CLIP1: variants seen among roughly 807,000 people sequenced by gnomAD.
The protein encoded by CLIP1 is CAP-Gly domain-containing linker protein 1.
A neutral mutation model predicts 161.6 loss-of-function variants in CLIP1; 66 were observed. That is an observed-to-expected ratio of 0.41 (90% CI 0.33 to 0.50). The LOEUF (loss-of-function observed/expected upper bound fraction) is 0.50, where lower values mean the gene tolerates loss of function less well. CLIP1 is among the 20% of genes least tolerant of loss of function. The pLI, the probability that CLIP1 is intolerant of heterozygous loss-of-function variation, is 0.27. For synonymous variants in CLIP1, 598 were observed against 626.2 expected, an observed-to-expected ratio of 0.96 and a Z score of 0.67; for missense variants, 1,376 against 1,702.0, an observed-to-expected ratio of 0.81 and a Z score of 3.37.
In CLIP1 at chr12:122,333,065, A is replaced by G. The variant is rs201636468; in HGVS notation, c.2789T>C (p.Ile930Thr). The G allele has an allele frequency of 9.9e-6, 16 of 1,613,800 alleles. No individual in the cohort carries two copies. In the South Asian group the frequency reaches 1.2e-4, roughly 12 times the overall value. Residue 930 changes from isoleucine to threonine, a missense_variant, in exon 15 of 26, where the codon ATT becomes ACT. By Grantham distance (89) the Ile-to-Thr change is moderately conservative. This residue lies in a region of CLIP1 where 948 missense variants were observed against 1,134.8 expected (regional missense o/e 0.84). Coordinates refer to ENST00000620786, the MANE Select transcript of CLIP1 (RefSeq NM_001247997.2). ...IKAKEKLEND[I>T]AEIMKMSGDN... is the part of the protein sequence containing the mutation. ...TCCTGACATCTTCATTATTTCTGCAATGTCATTTTCCAGTTTTTCCTTTGC... is the reference window on the plus strand; with the variant it reads ...TCCTGACATCTTCATTATTTCTGCAGTGTCATTTTCCAGTTTTTCCTTTGC...
chr12:122,420,047 G>C (rs904366171), intron 1 of CLIP1, among the ~76,000 whole-genome samples: 8 of 149,498 alleles, frequency 5.4e-5, no homozygotes, highest in African/African-American at 9.8e-5. Context: ...TTTTTTTTAA[G>C]ATAAGGACAT....
intron 15 of CLIP1, among the ~76,000 whole-genome samples, chr12:122,330,597 G>GTTTTTTTTTGTTTTTTT (rs1951901515): frequency 2.0e-5 from 2 of 101,402 alleles, no homozygotes; most frequent in African/African-American, 8.8e-5. Flanking sequence ...GTATAATGCA[G>GTTTTTTTTTGTTTTTTT]TTTTTTTTTT....
At chr12:122,337,387 G>A (rs904836651) in intron 11 of CLIP1, among the ~76,000 whole-genome samples, 22 of 150,590 alleles carry the variant, frequency 1.5e-4, no homozygotes, top group African/African-American at 5.1e-4. Context: ...GCGGAGGTTG[G>A]GTGAGCCGAG....
chr12:122,384,427 G>T (rs1025180797), intron 1 of CLIP1, among the ~76,000 whole-genome samples: 1 of 152,068 alleles, frequency 6.6e-6, no homozygotes, highest in African/African-American at 2.4e-5. Context: ...AGAGAATGAC[G>T]ATCTACAAGG....
intron 1 of CLIP1, among the ~76,000 whole-genome samples, chr12:122,419,265 G>A (rs1055292317): frequency 5.3e-5 from 8 of 151,864 alleles, no homozygotes; most frequent in Non-Finnish European, 8.8e-5. Context: ...AGCTACTTGG[G>A]AGGCTGAGGT....
chr12:122,361,310 T>A, intron 4 of CLIP1, 129 bp from the exon 5 acceptor site: 1 of 738,334 alleles, frequency 1.4e-6, no homozygotes, highest in Non-Finnish European at 2.2e-6. Flanking sequence ...AAGCTGGGGT[T>A]ACACACCAGC....
intron 1 of CLIP1, among the ~76,000 whole-genome samples, chr12:122,403,966 TAAC>T (rs1410816766): frequency 6.6e-6 from 1 of 152,214 alleles, no homozygotes; most frequent in East Asian, 1.9e-4. Context: ...ATGTGTGCCC[TAAC>T]AACAGTTCCG....
At chr12:122,360,353 C>T (rs958268910) in intron 5 of CLIP1, among the ~76,000 whole-genome samples, 5 of 148,798 alleles carry the variant, frequency 3.4e-5, no homozygotes, top group African/African-American at 1.2e-4. Flanking sequence ...GCAAGAGGAT[C>T]GCTTGAGCCT....
intron 12 of CLIP1, among the ~76,000 whole-genome samples, chr12:122,335,667 C>G (rs1166461397): frequency 6.6e-6 from 1 of 151,906 alleles, no homozygotes; most frequent in African/African-American, 2.4e-5. Flanking sequence ...ATTAGCCAGT[C>G]GTGGTAACAG....
chr12:122,284,188 G>A (rs1034435918), intron 21 of CLIP1, among the ~76,000 whole-genome samples: 1 of 152,086 alleles, frequency 6.6e-6, no homozygotes, highest in African/African-American at 2.4e-5. Context: ...CTACACATGA[G>A]AAACTAGGAG....
At chr12:122,383,719 A>G (rs1020056720) in intron 1 of CLIP1, among the ~76,000 whole-genome samples, 6 of 152,226 alleles carry the variant, frequency 3.9e-5, no homozygotes, top group African/African-American at 1.4e-4. Flanking sequence ...CAAAAAAACA[A>G]AAGATCAAAG....
At chr12:122,290,957 AC>A (rs1041980591) in intron 20 of CLIP1, among the ~76,000 whole-genome samples, 25 of 148,660 alleles carry the variant, frequency 1.7e-4, no homozygotes, top group Non-Finnish European at 5.9e-5. Context: ...CAATGGCCCT[AC>A]CTCAGCTCAC....
At chr12:122,285,660 G>A (rs2136272142) in intron 21 of CLIP1, among the ~76,000 whole-genome samples, 1 of 134,276 alleles carries the variant, frequency 7.4e-6, no homozygotes, top group African/African-American at 2.7e-5. Flanking sequence ...TTTTTTAAAT[G>A]GAGACATAGT....
intron 2 of CLIP1, 108 bp from the exon 3 acceptor site, chr12:122,378,068 C>T (rs1006362365): frequency 1.1e-6 from 1 of 946,558 alleles, no homozygotes; most frequent in African/African-American, 1.6e-5. Context: ...GCCCAGAACT[C>T]TTAGAAAGGT....
At chr12:122,394,332 CA>C (rs1157572610) in intron 1 of CLIP1, among the ~76,000 whole-genome samples, 1 of 150,868 alleles carries the variant, frequency 6.6e-6, no homozygotes, top group Non-Finnish European at 1.5e-5. Flanking sequence ...ACTAAAAATA[CA>C]AAAAAATCAG....
intron 17 of CLIP1, among the ~76,000 whole-genome samples, 174 bp from the exon 18 acceptor site, chr12:122,319,522 G>C (rs148978515): frequency 4.6e-5 from 7 of 152,236 alleles, no homozygotes; most frequent in Non-Finnish European, 8.8e-5. Flanking sequence ...GGACAGGAAA[G>C]GTCTTTACTC....
chr12:122,400,630 C>T (rs1472257156), intron 1 of CLIP1: 11 of 152,304 alleles, frequency 7.2e-5, no homozygotes, highest in African/African-American at 9.6e-5. Flanking sequence ...TGGGCAGCTT[C>T]GATTACGGAA....
At chr12:122,415,887 C>G (rs573425536) in intron 1 of CLIP1, among the ~76,000 whole-genome samples, 1 of 151,998 alleles carries the variant, frequency 6.6e-6, no homozygotes, top group African/African-American at 2.4e-5. Context: ...TTACAAGGTG[C>G]GCAATTCCAG....
rs761686925 is a variant in CLIP1 at position 122,336,628 on chromosome 12, T to C, written c.2568+4A>G. ...TGAGATTCAGATTCCCAACAGGTAC[T>C]TACCAAAATCTGAAGTTCTTTTTCC... On this transcript the variant is annotated splice_donor_region_variant and intron_variant, in intron 12 of 25. Coordinates refer to ENST00000620786, the MANE Select transcript of CLIP1 (RefSeq NM_001247997.2). 6.6e-7 allele frequency: 1 copy of C among 1,510,776 alleles called. No homozygotes were observed. The highest frequency in any genetic ancestry group is 9.2e-7 in the Non-Finnish European group (1 of 1,089,536). 93.6% of individuals were successfully genotyped at this position (1,510,776 alleles called of 1,614,324 possible). A position where few individuals can be genotyped will look rare whatever the true frequency, so the allele number is the denominator to read the frequency against.
Sources: gnomAD v4.1 joint callset for allele counts (sites outside exome capture counted in the v4.1 genomes callset) on GRCh38, gnomAD v4.1.1 for gene constraint, gnomAD v4.1.1 regional missense constraint, MANE v1.5 for transcripts, NCBI Gene and HGNC (gene_info 2026-07-23, HGNC 2026-07-21) for gene names.